The following GALNTL6 variants were observed in gnomAD, a reference collection of about 807,000 sequenced individuals.
GALNTL6 encodes the protein polypeptide N-acetylgalactosaminyltransferase-like 6.
In GALNTL6, 46 loss-of-function variants were observed where a neutral mutation model predicts 73.7. The ratio of observed to expected loss-of-function variants is 0.62; its 90% CI spans 0.49 to 0.80. GALNTL6 has a LOEUF of 0.80. Ranked by LOEUF, GALNTL6 falls within the 30% of genes least tolerant of loss-of-function variation. The probability of loss-of-function intolerance (pLI) is 0.00; values close to 1 mark genes in which losing one functional copy is unlikely to be tolerated. For synonymous variants in GALNTL6, 259 were observed against 263.7 expected (o/e 0.98, Z 0.17); for missense variants, 604 against 755.0 (o/e 0.80, Z 2.34).
chr4:172,269,740 C>T (rs1560998882), intron 3 of GALNTL6, among the ~76,000 whole-genome samples: 2 of 149,162 alleles, frequency 1.3e-5, no homozygotes, highest in African/African-American at 2.5e-5. Flanking sequence ...CTCTCTCTCT[C>T]TTTAATTTTT....
At chr4:172,570,107 G>A (rs1442693007) in intron 5 of GALNTL6, among the ~76,000 whole-genome samples, 1 of 152,172 alleles carries the variant, frequency 6.6e-6, no homozygotes, top group African/African-American at 2.4e-5. Flanking sequence ...TGCAGAAGGT[G>A]GAAGAATACA....
chr4:171,991,738 A>G (rs1030511956), intron 2 of GALNTL6, among the ~76,000 whole-genome samples: 11 of 119,960 alleles, frequency 9.2e-5, no homozygotes, highest in African/African-American at 5.4e-4. Flanking sequence ...GTGTATATAT[A>G]TATATATATA....
chr4:172,074,487 C>A (rs980011933), intron 2 of GALNTL6, among the ~76,000 whole-genome samples: 5 of 151,184 alleles, frequency 3.3e-5, no homozygotes, highest in Admixed American at 6.6e-5. Flanking sequence ...AATTGCCATC[C>A]ACAATTGCCT....
intron 3 of GALNTL6, among the ~76,000 whole-genome samples, chr4:172,266,758 AATGCTTTCC>A (rs1738466859): frequency 6.6e-6 from 1 of 152,074 alleles, no homozygotes; most frequent in South Asian, 2.1e-4. Flanking sequence ...GAGACTTTTA[AATGCTTTCC>A]ATTTCTGAGG....
At chr4:171,965,277 A>C (rs1290228676) in intron 2 of GALNTL6, among the ~76,000 whole-genome samples, 1 of 152,184 alleles carries the variant, frequency 6.6e-6, no homozygotes, top group Admixed American at 6.5e-5. Context: ...GGAGCCAGAA[A>C]GTATCCTCTA....
intron 5 of GALNTL6, among the ~76,000 whole-genome samples, chr4:172,445,431 C>T (rs1311479492): frequency 6.6e-6 from 1 of 151,966 alleles, no homozygotes; most frequent in Non-Finnish European, 1.5e-5. Flanking sequence ...TTTGCGCTTC[C>T]CAAAAAAGAT....
At position 171,930,300 on chromosome 4, in the gene GALNTL6, C is replaced by A. The variant is rs184623643; in HGVS notation, c.138+115582C>A. Among the ~76,000 whole-genome samples the A allele has an allele frequency of 6.6e-5, 10 of 152,324 alleles. No homozygotes were observed. In the East Asian group the frequency reaches 1.9e-3, roughly 29 times the overall value. On this transcript the variant is annotated intron_variant, in intron 2 of 12. Coordinates refer to ENST00000506823, the MANE Select transcript of GALNTL6 (RefSeq NM_001034845.3). ...CTGTAACCTAGGCCACTTGGGTAAT[C>A]GCAGACCTCACTGATGAAAATCACA...
At chr4:171,867,628 C>G (rs998316554) in intron 2 of GALNTL6, among the ~76,000 whole-genome samples, 1 of 152,222 alleles carries the variant, frequency 6.6e-6, no homozygotes, top group Non-Finnish European at 1.5e-5. Flanking sequence ...TATGTTTCCA[C>G]ACAGTAGCCA....
chr4:171,987,657 C>T (rs912006427), intron 2 of GALNTL6, among the ~76,000 whole-genome samples: 1 of 152,146 alleles, frequency 6.6e-6, no homozygotes, highest in Non-Finnish European at 1.5e-5. Flanking sequence ...GAAGTTATTT[C>T]CTTGAGGATA....
chr4:172,303,525 C>T (rs1490616482), intron 3 of GALNTL6, among the ~76,000 whole-genome samples: 1 of 152,150 alleles, frequency 6.6e-6, no homozygotes, highest in African/African-American at 2.4e-5. Flanking sequence ...CACTTGTTTT[C>T]TGCCTGCCTA....
intron 2 of GALNTL6, among the ~76,000 whole-genome samples, chr4:172,038,135 A>T (rs1219105146): frequency 6.6e-6 from 1 of 151,918 alleles, no homozygotes; most frequent in African/African-American, 2.4e-5. Context: ...AAAACAAAAA[A>T]ATTTAGAGAT....
At chr4:172,860,929 A>C (rs2111135413) in intron 7 of GALNTL6, among the ~76,000 whole-genome samples, 1 of 152,274 alleles carries the variant, frequency 6.6e-6, no homozygotes, top group Non-Finnish European at 1.5e-5. Context: ...TGCTATGCTT[A>C]ATAAGTGCTT....
chr4:172,088,843 C>T (rs1048400475), intron 2 of GALNTL6, among the ~76,000 whole-genome samples: 1 of 152,112 alleles, frequency 6.6e-6, no homozygotes, highest in Non-Finnish European at 1.5e-5. Context: ...GCCAGAGAGA[C>T]CTTGCAACTA....
intron 3 of GALNTL6, among the ~76,000 whole-genome samples, chr4:172,307,215 G>A (rs1740170143): frequency 6.6e-6 from 1 of 152,050 alleles, no homozygotes; most frequent in East Asian, 1.9e-4. Flanking sequence ...CATAATTAGT[G>A]ATGTTGAGCA....
intron 2 of GALNTL6, among the ~76,000 whole-genome samples, chr4:172,049,412 C>T (rs2110854904): frequency 6.6e-6 from 1 of 152,162 alleles, no homozygotes; most frequent in African/African-American, 2.4e-5. Flanking sequence ...TTAGATTATC[C>T]TTTTTACCTT....
intron 2 of GALNTL6, among the ~76,000 whole-genome samples, chr4:171,825,312 A>G (rs1160801364): frequency 1.3e-5 from 2 of 152,156 alleles, no homozygotes; most frequent in African/African-American, 4.8e-5. Context: ...GCCCTCTTCT[A>G]GTGCTTCCAA....
chr4:172,199,112 G>A (rs900315929), intron 2 of GALNTL6, among the ~76,000 whole-genome samples: 1 of 152,086 alleles, frequency 6.6e-6, no homozygotes, highest in African/African-American at 2.4e-5. Flanking sequence ...GGTAGCCACC[G>A]TTTTATCCTC....
At chr4:172,202,029 A>G (rs1735974270) in intron 2 of GALNTL6, among the ~76,000 whole-genome samples, 1 of 152,208 alleles carries the variant, frequency 6.6e-6, no homozygotes. Context: ...ATCATATGGA[A>G]GAACACCTTA....
chr4:172,658,478 AAAAG>A (rs1731201374), intron 5 of GALNTL6, among the ~76,000 whole-genome samples: 1 of 151,828 alleles, frequency 6.6e-6, no homozygotes, highest in Non-Finnish European at 1.5e-5. Flanking sequence ...AAAAAAAAAA[AAAAG>A]AAAGAAAAAG....
Sources: gnomAD v4.1 joint callset for allele counts (sites outside exome capture counted in the v4.1 genomes callset) on GRCh38, gnomAD v4.1.1 for gene constraint, MANE v1.5 for transcripts, NCBI Gene and HGNC (gene_info 2026-07-23, HGNC 2026-07-21) for gene names.